Variants in TRIM41 observed in about 807,000 individuals in gnomAD.
TRIM41 encodes E3 ubiquitin-protein ligase TRIM41.
A neutral mutation model predicts 60.6 loss-of-function variants in TRIM41; 21 were observed. That is an observed-to-expected ratio of 0.35 (90% CI 0.25 to 0.50). The LOEUF (loss-of-function observed/expected upper bound fraction) is 0.50, where lower values mean the gene tolerates loss of function less well. TRIM41 is among the 20% of genes least tolerant of loss of function. The pLI is 0.98. For missense variants in TRIM41, 846 were observed against 868.3 expected (o/e 0.97, Z 0.32); for synonymous variants, 407 against 344.9 (o/e 1.18, Z -2.00).
rs777649863 is a variant in TRIM41 at position 181,224,449 on chromosome 5, G to T, written c.450G>T (p.Glu150Asp). ...AGGAGGACCTGAGGGGGGAGGATGA[G>T]GAGGACGAGGAGGAAGTGCTGGAGG... ...MEEEDLRGEDEEDEEEVLEEV... is the reference protein window; with the variant it reads ...MEEEDLRGEDDEDEEEVLEEV... Residue 150 changes from glutamate (E) to aspartate (D), a missense_variant, in exon 1 of 6, where the codon GAG becomes GAT. By Grantham distance (45) the Glu-to-Asp change is conservative. Coordinates refer to ENST00000315073, the MANE Select transcript of TRIM41 (RefSeq NM_033549.5). The T allele has an allele frequency of 3.7e-6, 6 of 1,613,848 alleles. No individual in the cohort carries two copies. In the South Asian group the frequency reaches 6.6e-5, roughly 18 times the overall value.
Position 181,235,476 on chromosome 5 carries a change from T to C in TRIM41, c.*701T>C. ...ATAAATTATTTCTTCCCCCTTCCCT[T>C]TTCCAGCACTCAACCAAGGAGCAAA... On this transcript the variant is annotated 3_prime_UTR_variant, in exon 6 of 6. Coordinates refer to ENST00000315073, the MANE Select transcript of TRIM41 (RefSeq NM_033549.5). 4 of 1,562,620 alleles carry C rather than the reference T, an allele frequency of 2.6e-6. No homozygotes were observed. The highest frequency in any genetic ancestry group is 3.5e-6 in the Non-Finnish European group (4 of 1,148,368).
In TRIM41 at chr5:181,235,451, A is replaced by G; in HGVS notation, c.*676A>G. On this transcript the variant is annotated 3_prime_UTR_variant, in exon 6 of 6. Transcript: ENST00000315073. ...TCATCATTACATTAATTACATCAACATAAATTATTTCTTCCCCCTTCCCTT... is the reference window on the plus strand; with the variant it reads ...TCATCATTACATTAATTACATCAACGTAAATTATTTCTTCCCCCTTCCCTT... 6.2e-7 allele frequency: 1 copy of G among 1,607,266 alleles called. No individual in the cohort carries two copies. Among genetic ancestry groups the G allele is most frequent in the Non-Finnish European group, 8.5e-7 (1 of 1,175,272 alleles).
At position 181,234,109 on chromosome 5, in the gene TRIM41, A is replaced by G; in HGVS notation, c.1292-65A>G. ...GGGAGAAAGGGGGCCCAATCTGTGG[A>G]GTTGGCTGCTGACAGGGGAACAGCC... On this transcript the variant is annotated intron_variant, in intron 5 of 5. Transcript: ENST00000315073. This position sits in a 1 kb window ranked among gnomAD's most constrained non-coding sequence, Gnocchi z 5.6. 16 of 1,599,386 alleles carry G rather than the reference A, an allele frequency of 1.0e-5. No individual in the cohort carries two copies. Among genetic ancestry groups the G allele is most frequent in the Non-Finnish European group, 1.4e-5 (16 of 1,179,450 alleles).
intron 1 of TRIM41, chr5:181,227,177 T>A (rs1758587729): frequency 6.6e-6 from 1 of 151,698 alleles, no homozygotes; most frequent in Admixed American, 6.6e-5. Flanking sequence ...CTGGCCATAC[T>A]CTCTTTTCTT....
rs760870538 is a variant in TRIM41 at position 181,224,660 on chromosome 5, G to T, written c.661G>T (p.Val221Leu). The T allele has an allele frequency of 6.2e-7, 1 of 1,614,104 alleles. No individual in the cohort carries two copies. Among genetic ancestry groups the T allele is most frequent in the Non-Finnish European group, 8.5e-7 (1 of 1,180,050 alleles). The change falls in exon 1 of 6, where the codon GTG becomes TTG. Residue 221 changes from valine (V) to leucine (L), a missense_variant. By Grantham distance (32) the Val-to-Leu change is conservative. Transcript: ENST00000315073. ...MHPTPGRGSRVTDQGICPKHQ... is the reference protein window; with the variant it reads ...MHPTPGRGSRLTDQGICPKHQ... ...CCCAACCCCTGGTCGAGGGAGCCGC[G>T]TGACCGATCAGGGCATCTGTCCCAA...
chr5:181,234,860 G>A lies in TRIM41; in HGVS notation c.*85G>A, dbSNP rs548827259. 1.2e-6 allele frequency: 2 copies of A among 1,610,518 alleles called. No individual in the cohort carries two copies. Among genetic ancestry groups the A allele is most frequent in the East Asian group, 2.2e-5 (1 of 44,854 alleles). On this transcript the variant is annotated 3_prime_UTR_variant, in exon 6 of 6. Transcript: ENST00000315073. This position sits in a 1 kb window ranked among gnomAD's most constrained non-coding sequence, Gnocchi z 5.6. The stretch of plus-strand genomic sequence containing the variant: ...GGCCCGTAAGTTTGAGGGCTCAAAG[G>A]CTCTTCCCACTGCTTGTTACTGTGT...
rs1758395373 is a variant in TRIM41 at position 181,223,706 on chromosome 5, G to A, written c.-294G>A. The stretch of plus-strand genomic sequence containing the variant: ...GGCCAGGAAGTGAGGAGGGGCGGGG[G>A]TTTATGAGGAGTCCAAGGGAGCATT... On this transcript the variant is annotated 5_prime_UTR_variant, in exon 1 of 6. Transcript: ENST00000315073. 2 of 515,312 alleles carry A rather than the reference G, an allele frequency of 3.9e-6. No homozygotes were observed. Among genetic ancestry groups the A allele is most frequent in the South Asian group, 3.3e-5 (1 of 30,622 alleles). 31.9% of individuals were successfully genotyped at this position (515,312 alleles called of 1,614,324 possible).
intron 1 of TRIM41, chr5:181,226,681 C>T (rs1758565732): frequency 1.3e-5 from 2 of 152,154 alleles, no homozygotes; most frequent in Non-Finnish European, 2.9e-5. Context: ...TGAACAGGAA[C>T]CCAGGCCAAA....
rs760120015 is a variant in TRIM41 at position 181,234,912 on chromosome 5, G to A, written c.*137G>A. On this transcript the variant is annotated 3_prime_UTR_variant, in exon 6 of 6. Transcript: ENST00000315073. The surrounding 1 kb of genome is among the most constrained non-coding windows in gnomAD (Gnocchi z 5.6). ...GCTTCCCACTCCCCCTTGACCCCAG[G>A]CCCCTGCTTCTCCCTCTAGGAGCCT... is the stretch of plus-strand genomic sequence containing the variant. The A allele has an allele frequency of 1.7e-5, 28 of 1,613,066 alleles. No homozygotes were observed. Among genetic ancestry groups the A allele is most frequent in the Non-Finnish European group, 2.0e-5 (24 of 1,179,976 alleles).
Position 181,235,447 on chromosome 5 carries a change from C to T in TRIM41, c.*672C>T, listed in dbSNP as rs965199579. 6.2e-7 allele frequency: 1 copy of T among 1,608,834 alleles called. No homozygotes were observed. ...TACATCATCATTACATTAATTACAT[C>T]AACATAAATTATTTCTTCCCCCTTC... On this transcript the variant is annotated 3_prime_UTR_variant, in exon 6 of 6. Coordinates refer to ENST00000315073, the MANE Select transcript of TRIM41 (RefSeq NM_033549.5).
intron 1 of TRIM41, chr5:181,225,064 G>A: frequency 1.8e-6 from 1 of 568,170 alleles, no homozygotes; most frequent in Non-Finnish European, 3.2e-6. Context: ...AGCCGGTGAT[G>A]CCAGATCAGG....
intron 1 of TRIM41, chr5:181,225,333 C>T (rs1488695360): frequency 4.2e-5 from 7 of 166,768 alleles, no homozygotes; most frequent in Admixed American, 1.6e-4. Context: ...CATTCTTATG[C>T]ACTGACTAGA....
intron 2 of TRIM41, chr5:181,232,097 C>T (rs1758828039): frequency 6.6e-6 from 1 of 152,226 alleles, no homozygotes; most frequent in Admixed American, 6.5e-5. Flanking sequence ...CGTCGGGACC[C>T]TAACTTCATG....
Position 181,233,723 on chromosome 5 carries a change from C to T in TRIM41, c.1251C>T (p.Ile417=), listed in dbSNP as rs750421690. Residue 417 remains isoleucine, a synonymous_variant, in exon 5 of 6, where the codon ATC becomes ATT. Coordinates refer to ENST00000315073, the MANE Select transcript of TRIM41 (RefSeq NM_033549.5). The surrounding 1 kb of genome is among the most constrained non-coding windows in gnomAD (Gnocchi z 4.1). The part of the protein sequence containing the change: ...PHSHDFLTDA[I]VRKMSRMFCQ... ...GCCATGACTTCCTGACAGATGCCAT[C>T]GTGAGGAAAATGAGCCGGATGTTCT... 4.4e-5 allele frequency: 71 copies of T among 1,614,058 alleles called. No homozygotes were observed. Among genetic ancestry groups the T allele is most frequent in the African/African-American group, 9.3e-5 (7 of 74,920 alleles).
chr5:181,227,915 TGTGTG>T (rs1269774700), intron 1 of TRIM41: 1 of 151,420 alleles, frequency 6.6e-6, no homozygotes, highest in African/African-American at 2.4e-5. Context: ...GGACTGGAGG[TGTGTG>T]CCATCATGCC....
Position 181,235,167 on chromosome 5 carries a change from G to A in TRIM41, c.*392G>A. ...CAACCTCTTTATCAGTTCTGAGGCTGGAGGGTTTGGGCAAGGCAACATCCC... is the reference window on the plus strand; with the variant it reads ...CAACCTCTTTATCAGTTCTGAGGCTAGAGGGTTTGGGCAAGGCAACATCCC... On this transcript the variant is annotated 3_prime_UTR_variant, in exon 6 of 6. Transcript: ENST00000315073. The A allele has an allele frequency of 6.5e-7, 1 of 1,535,806 alleles. No individual in the cohort carries two copies. The highest frequency in any genetic ancestry group is 8.8e-7 in the Non-Finnish European group (1 of 1,138,842).
Position 181,230,771 on chromosome 5 carries a change from C to T in TRIM41, c.841C>T (p.Leu281=), listed in dbSNP as rs1452868060. The change falls in exon 2 of 6, where the codon CTG becomes TTG. Residue 281 remains leucine (L), a synonymous_variant. Coordinates refer to ENST00000315073, the MANE Select transcript of TRIM41 (RefSeq NM_033549.5). ...KAKLQGHVEP[L]RKHLEAVQKM... ...CAAACTGCAGGGGCACGTGGAACCACTGAGGAAGCACCTGGAGGCAGTGCA... is the reference window on the plus strand; with the variant it reads ...CAAACTGCAGGGGCACGTGGAACCATTGAGGAAGCACCTGGAGGCAGTGCA... 1.9e-6 allele frequency: 3 copies of T among 1,613,272 alleles called. No homozygotes were observed. In the South Asian group the frequency reaches 3.3e-5, roughly 18 times the overall value.
rs1417139063 is a variant in TRIM41, at chr5:181,235,700, G to GC, written c.*927dup. ...TAATCTATTTTTCTAGGAGCCTCTT[G>GC]CCTTGTCACTTGCAGCTTTCGCCCT... On this transcript the variant is annotated 3_prime_UTR_variant, in exon 6 of 6. Transcript: ENST00000315073. 5.6e-6 allele frequency: 2 copies of GC among 356,034 alleles called. No homozygotes were observed. The highest frequency in any genetic ancestry group is 4.0e-5 in the Admixed American group (1 of 25,224). 22.1% of individuals were successfully genotyped at this position (356,034 alleles called of 1,614,324 possible).
chr5:181,230,496 CAAAAAA>C (rs60815823), intron 1 of TRIM41: 221 of 43,650 alleles, frequency 5.1e-3, no homozygotes, highest in Middle Eastern at 0.025. Flanking sequence ...GACTCTGTCT[CAAAAAA>C]AAAAAAAAAA....
Sources: gnomAD v4.1 joint callset for allele counts on GRCh38, gnomAD v4.1.1 for gene constraint, Gnocchi (gnomAD v3.1) non-coding constraint, MANE v1.5 for transcripts, NCBI Gene and HGNC (gene_info 2026-07-23, HGNC 2026-07-21) for gene names.